CTNNA3: variants seen among roughly 807,000 people sequenced by gnomAD.
CTNNA3 encodes the protein catenin alpha 3.
Under a neutral mutation model 95.7 loss-of-function variants are expected in CTNNA3, and 76 were observed. The ratio of observed to expected loss-of-function variants is 0.79; its 90% CI spans 0.66 to 0.96. The LOEUF is 0.96. Among genes scored for constraint, CTNNA3 ranks in the 40% least tolerant of loss-of-function variants. The pLI is 0.00. For missense variants in CTNNA3, 1,191 were observed against 1,089.8 expected (o/e 1.09, Z -1.31); for synonymous variants, 431 against 374.4 (o/e 1.15, Z -1.74).
chr10:67,350,470 A>G (rs1842587982), intron 5 of CTNNA3, among the ~76,000 whole-genome samples: 1 of 151,990 alleles, frequency 6.6e-6, no homozygotes, highest in Non-Finnish European at 1.5e-5. Flanking sequence ...TCCTTAATAA[A>G]TGGACTAAAG....
chr10:66,280,700 A>G (rs2091477692), intron 12 of CTNNA3, 79 bp from the exon 13 acceptor site: 1 of 1,162,934 alleles, frequency 8.6e-7, no homozygotes, highest in Non-Finnish European at 1.2e-6. Context: ...GAAATGTAGA[A>G]TTTGGTTTTA....
chr10:66,179,066 A>G (rs1342741590), intron 13 of CTNNA3, among the ~76,000 whole-genome samples: 2 of 152,070 alleles, frequency 1.3e-5, no homozygotes, highest in Non-Finnish European at 2.9e-5. Context: ...TATCCCAGAG[A>G]AAATAAAAGC....
intron 14 of CTNNA3, among the ~76,000 whole-genome samples, chr10:66,078,242 T>A (rs1256250789): frequency 6.6e-6 from 1 of 151,916 alleles, no homozygotes; most frequent in African/African-American, 2.4e-5. Context: ...CACAAGATGA[T>A]CTTGCAGTTA....
chr10:67,658,668 C>T (rs1447891451), intron 1 of CTNNA3, among the ~76,000 whole-genome samples: 1 of 152,196 alleles, frequency 6.6e-6, no homozygotes, highest in East Asian at 1.9e-4. Flanking sequence ...GGATCTTGAG[C>T]CCTTTGAAAT....
intron 1 of CTNNA3, among the ~76,000 whole-genome samples, chr10:67,658,115 T>C (rs1840078344): frequency 6.6e-6 from 1 of 152,164 alleles, no homozygotes; most frequent in Non-Finnish European, 1.5e-5. Context: ...GCCTCAGTGA[T>C]TATCAGCATC....
intron 5 of CTNNA3, among the ~76,000 whole-genome samples, chr10:67,519,072 G>A (rs150500376): frequency 1.8e-3 from 272 of 152,216 alleles, no homozygotes; most frequent in Non-Finnish European, 3.3e-3. Context: ...ATGTAGAGAT[G>A]TTGTGCCCTG....
chr10:65,924,716 T>TTCTCACGCTGCTAATAA (rs1258133530), intron 17 of CTNNA3, among the ~76,000 whole-genome samples: 1 of 152,190 alleles, frequency 6.6e-6, no homozygotes, highest in Non-Finnish European at 1.5e-5. Flanking sequence ...TATTAGTTTG[T>TTCTCACGCTGCTAATAA]TCTCACGCTG....
At chr10:66,953,472 T>C (rs1016851521) in intron 7 of CTNNA3, among the ~76,000 whole-genome samples, 39 of 152,194 alleles carry the variant, frequency 2.6e-4, no homozygotes, top group African/African-American at 9.4e-4. Context: ...ATTTTTTTTC[T>C]GTACTTTCCC....
chr10:67,381,943 T>C (rs1338895175), intron 5 of CTNNA3, among the ~76,000 whole-genome samples: 1 of 152,200 alleles, frequency 6.6e-6, no homozygotes, highest in Non-Finnish European at 1.5e-5. Context: ...TCATTTTACT[T>C]ACATGTACAT....
At chr10:66,168,798 C>G (rs1361597622) in intron 13 of CTNNA3, among the ~76,000 whole-genome samples, 1 of 152,122 alleles carries the variant, frequency 6.6e-6, no homozygotes, top group African/African-American at 2.4e-5. Context: ...TAATCAATAT[C>G]TAGACTAGCA....
intron 11 of CTNNA3, among the ~76,000 whole-genome samples, chr10:66,439,815 G>T (rs1053555596): frequency 2.0e-5 from 3 of 151,938 alleles, no homozygotes; most frequent in Admixed American, 1.3e-4. Flanking sequence ...CATATATAAG[G>T]GCTGTTTATA....
At chr10:67,555,936 CT>C (rs1408103553) in intron 3 of CTNNA3, among the ~76,000 whole-genome samples, 1 of 152,040 alleles carries the variant, frequency 6.6e-6, no homozygotes, top group African/African-American at 2.4e-5. Context: ...CAATGAATAC[CT>C]AATTTATTGA....
intron 5 of CTNNA3, among the ~76,000 whole-genome samples, chr10:67,326,439 C>A (rs570005305): frequency 6.6e-6 from 1 of 152,202 alleles, no homozygotes; most frequent in Non-Finnish European, 1.5e-5. Flanking sequence ...TTTCCCTCAG[C>A]ATTTGCCTGT....
At chr10:66,441,911 G>T (rs2456669) in intron 11 of CTNNA3, among the ~76,000 whole-genome samples, 6 of 152,138 alleles carry the variant, frequency 3.9e-5, no homozygotes, top group African/African-American at 1.4e-4. Flanking sequence ...GACTTGTTCA[G>T]TGCTATCTAA....
chr10:67,475,144 T>C (rs1589330302), intron 5 of CTNNA3, among the ~76,000 whole-genome samples: 1 of 152,172 alleles, frequency 6.6e-6, no homozygotes, highest in Middle Eastern at 3.2e-3. Context: ...AAACGCATTA[T>C]GCTAAGTGAA....
intron 14 of CTNNA3, among the ~76,000 whole-genome samples, chr10:66,086,346 T>A (rs559471564): frequency 6.6e-6 from 1 of 152,282 alleles, no homozygotes; most frequent in Admixed American, 6.6e-5. Flanking sequence ...CAGGAAGATA[T>A]ATTCCAGTTT....
chr10:66,728,094 C>G (rs1043859570), intron 9 of CTNNA3, among the ~76,000 whole-genome samples: 6 of 152,130 alleles, frequency 3.9e-5, no homozygotes, highest in Admixed American at 6.5e-5. Context: ...TACATATTAA[C>G]AAAGTCCTTA....
At chr10:67,551,399 C>A (rs1007321280) in intron 3 of CTNNA3, among the ~76,000 whole-genome samples, 2 of 152,104 alleles carry the variant, frequency 1.3e-5, no homozygotes, top group African/African-American at 4.8e-5. Flanking sequence ...CTGTCTCCCC[C>A]ACCTGCTGAG....
chr10:66,969,021 T>G (rs1849581789), intron 7 of CTNNA3, among the ~76,000 whole-genome samples: 1 of 151,700 alleles, frequency 6.6e-6, no homozygotes, highest in South Asian at 2.1e-4. Flanking sequence ...CATCTCAAAA[T>G]AAATAAATAA....
Sources: allele counts gnomAD v4.1 joint callset (sites outside exome capture counted in the v4.1 genomes callset), GRCh38; gene constraint gnomAD v4.1.1; transcripts MANE v1.5; gene names NCBI Gene and HGNC (gene_info 2026-07-23, HGNC 2026-07-21).